The following REDIC1 variants were observed in gnomAD, a reference collection of about 807,000 sequenced individuals.
The protein encoded by REDIC1 is HEI10 Interacting Protein 1.
chr12:39,755,139 A>T, the REDIC1 span: 1 of 152,064 alleles, frequency 6.6e-6, no homozygotes, highest in Non-Finnish European at 1.5e-5. Context: ...TCAATAAAAT[A>T]ACTTAAAAAA....
At chr12:39,799,980 T>C in the REDIC1 span, among the ~76,000 whole-genome samples, 7 of 152,134 alleles carry the variant, frequency 4.6e-5, no homozygotes, top group Admixed American at 4.6e-4. Context: ...TATGTACAAA[T>C]TACAAAATGA....
chr12:39,903,843 A>AG, the REDIC1 span, among the ~76,000 whole-genome samples: 1 of 152,140 alleles, frequency 6.6e-6, no homozygotes, highest in African/African-American at 2.4e-5. Flanking sequence ...TAGGAAAAGA[A>AG]GGAAGATTGA....
At chr12:39,817,264 C>T in the REDIC1 span, among the ~76,000 whole-genome samples, 1 of 152,178 alleles carries the variant, frequency 6.6e-6, no homozygotes, top group Non-Finnish European at 1.5e-5. Context: ...CCGGGTTGCT[C>T]ATTTTAGGGT....
At chr12:39,868,875 G>T in the REDIC1 span, among the ~76,000 whole-genome samples, 1 of 152,108 alleles carries the variant, frequency 6.6e-6, no homozygotes, top group Non-Finnish European at 1.5e-5. Flanking sequence ...TTTGTATAAA[G>T]AGTTCCTTTG....
At chr12:39,685,017 C>T in the REDIC1 span, 4 of 872,964 alleles carry the variant, frequency 4.6e-6, no homozygotes, top group Non-Finnish European at 6.9e-6. Flanking sequence ...TTGATTTAAG[C>T]TTAACATTTA....
At chr12:39,722,509 C>T in the REDIC1 span, among the ~76,000 whole-genome samples, 1 of 152,058 alleles carries the variant, frequency 6.6e-6, no homozygotes, top group Non-Finnish European at 1.5e-5. Context: ...GCAGTGAACA[C>T]TGATACATAG....
the REDIC1 span, among the ~76,000 whole-genome samples, chr12:39,826,854 A>ATTTTTTTTTTTTTTTTTTTTTTTT: frequency 1.5e-5 from 1 of 67,416 alleles, no homozygotes; most frequent in Non-Finnish European, 2.5e-5. Flanking sequence ...GTCTCTTTCA[A>ATTTTTTTTTTTTTTTTTTTTTTTT]TTTTTTTTTT....
At chr12:39,863,752 C>T in the REDIC1 span, among the ~76,000 whole-genome samples, 1 of 152,058 alleles carries the variant, frequency 6.6e-6, no homozygotes, top group African/African-American at 2.4e-5. Context: ...TGCTATGATG[C>T]CTATTTTCCA....
chr12:39,792,699 C>T, the REDIC1 span, among the ~76,000 whole-genome samples: 3 of 152,004 alleles, frequency 2.0e-5, no homozygotes, highest in Non-Finnish European at 2.9e-5. Flanking sequence ...GATATAGATA[C>T]CAAAGTATAT....
chr12:39,772,516 G>A, the REDIC1 span, among the ~76,000 whole-genome samples: 3 of 151,840 alleles, frequency 2.0e-5, no homozygotes, highest in African/African-American at 7.2e-5. Context: ...ATTGTGAGTA[G>A]AAAACAGCAT....
At chr12:39,654,369 C>G in the REDIC1 span, among the ~76,000 whole-genome samples, 164 of 152,044 alleles carry the variant, frequency 1.1e-3, no homozygotes, top group African/African-American at 3.9e-3. Flanking sequence ...GGGCGGATCA[C>G]GAGGTCAGGA....
At chr12:39,695,121 C>G in the REDIC1 span, among the ~76,000 whole-genome samples, 1 of 152,126 alleles carries the variant, frequency 6.6e-6, no homozygotes, top group South Asian at 2.1e-4. Context: ...GCATTGAGGG[C>G]CTTGGGTGAG....
chr12:39,705,776 A>T, the REDIC1 span, among the ~76,000 whole-genome samples: 1 of 152,122 alleles, frequency 6.6e-6, no homozygotes, highest in Non-Finnish European at 1.5e-5. Flanking sequence ...TCATGGTAAA[A>T]ACCTTCAAAA....
the REDIC1 span, among the ~76,000 whole-genome samples, chr12:39,747,311 G>C: frequency 6.6e-6 from 1 of 152,214 alleles, no homozygotes; most frequent in Non-Finnish European, 1.5e-5. Flanking sequence ...TGATCAACTG[G>C]AAGAAAGGGT....
chr12:39,633,967 G>C, the REDIC1 span, among the ~76,000 whole-genome samples: 2 of 152,160 alleles, frequency 1.3e-5, no homozygotes, highest in African/African-American at 2.4e-5. Flanking sequence ...ACTCTGTAAA[G>C]AAAGTCGGCG....
the REDIC1 span, among the ~76,000 whole-genome samples, chr12:39,870,556 C>A: frequency 6.6e-6 from 1 of 152,146 alleles, no homozygotes; most frequent in South Asian, 2.1e-4. Flanking sequence ...AGTCTGTTCT[C>A]CAGGCTATAT....
the REDIC1 span, among the ~76,000 whole-genome samples, chr12:39,897,850 A>G: frequency 1.3e-5 from 2 of 152,164 alleles, no homozygotes; most frequent in South Asian, 2.1e-4. Context: ...CACAAAATGT[A>G]TATGTGCATA....
the REDIC1 span, chr12:39,754,879 T>C: frequency 6.6e-6 from 1 of 152,048 alleles, no homozygotes; most frequent in Admixed American, 6.6e-5. Context: ...ATCATATCCA[T>C]AATCAAAAGA....
At chr12:39,714,093 A>T in the REDIC1 span, among the ~76,000 whole-genome samples, 1 of 150,202 alleles carries the variant, frequency 6.7e-6, no homozygotes, top group African/African-American at 2.4e-5. Flanking sequence ...ACATATATGT[A>T]CATGTATATA....
Sources: gnomAD v4.1 joint callset for allele counts (sites outside exome capture counted in the v4.1 genomes callset) on GRCh38, gnomAD v4.1.1 for gene constraint, MANE v1.5 for transcripts, NCBI Gene and HGNC (gene_info 2026-07-23, HGNC 2026-07-21) for gene names.